The following RYR3 variants were observed in gnomAD, a reference collection of about 807,000 sequenced individuals.
RYR3 encodes the protein brain ryanodine receptor-calcium release channel.
Under a neutral mutation model 584.3 loss-of-function variants are expected in RYR3, and 207 were observed. That is an observed-to-expected ratio of 0.35 (90% CI 0.32 to 0.40). The LOEUF is 0.40. RYR3 is among the 10% of genes least tolerant of loss of function. The probability of loss-of-function intolerance (pLI) is 1.00; values close to 1 mark genes in which losing one functional copy is unlikely to be tolerated. For missense variants in RYR3, 5,616 were observed against 6,089.2 expected (o/e 0.92, Z 2.59); for synonymous variants, 2,416 against 2,248.5 (o/e 1.07, Z -2.11).
intron 93 of RYR3, among the ~76,000 whole-genome samples, chr15:33,847,771 A>C (rs190475882): frequency 1.7e-3 from 261 of 152,336 alleles, no homozygotes; most frequent in African/African-American, 6.1e-3. Flanking sequence ...AAAACTTCAT[A>C]CAGAAAGACT....
At chr15:33,634,021 C>T (rs1251798355) in intron 24 of RYR3, among the ~76,000 whole-genome samples, 1 of 152,136 alleles carries the variant, frequency 6.6e-6, no homozygotes, top group Admixed American at 6.6e-5. Flanking sequence ...ATTTTATTCA[C>T]AGACTGGTGT....
chr15:33,848,659 CCAGA>C (rs1567313830), intron 94 of RYR3, among the ~76,000 whole-genome samples: 2 of 152,060 alleles, frequency 1.3e-5, no homozygotes, highest in Non-Finnish European at 2.9e-5. Context: ...TTGATTTAGA[CCAGA>C]CAGTCCAGTA....
intron 102 of RYR3, 50 bp downstream of exon 102, chr15:33,861,228 G>C: frequency 7.4e-7 from 1 of 1,344,332 alleles, no homozygotes; most frequent in Non-Finnish European, 1.0e-6. Context: ...CGTAAATAAA[G>C]CCAATTAGGT....
Position 33,748,130 on chromosome 15 carries a change from G to A in RYR3, c.8006G>A (p.Arg2669His), listed in dbSNP as rs578112903. 34 of 1,613,620 alleles carry A rather than the reference G, an allele frequency of 2.1e-5. No individual in the cohort carries two copies. The highest frequency in any genetic ancestry group is 3.3e-5 in the South Asian group (3 of 91,072). ...TLTEKEKEIY[R>H]WPARESLKTM... Reference sequence around the variant, plus strand: ...CTCTTCTAGGAGAAGGAAATTTATCGCTGGCCTGCGCGAGAGTCCCTGAAA... The same window carrying A: ...CTCTTCTAGGAGAAGGAAATTTATCACTGGCCTGCGCGAGAGTCCCTGAAA... The change falls in exon 54 of 104, where the codon CGC becomes CAC. Residue 2669 changes from arginine to histidine, a missense_variant. Around this residue, in one of 9 missense-constraint regions of RYR3, gnomAD observed 1,280 missense variants for 1,426.2 expected, o/e 0.90. Transcript: ENST00000634891.
chr15:33,848,492 C>T (rs897578186), intron 94 of RYR3, 71 bp downstream of exon 94: 1 of 1,515,838 alleles, frequency 6.6e-7, no homozygotes. Flanking sequence ...CTCTTTCCTC[C>T]TGGCCTTAAA....
At chr15:33,557,266 A>C (rs1165634125) in intron 10 of RYR3, among the ~76,000 whole-genome samples, 3 of 152,266 alleles carry the variant, frequency 2.0e-5, no homozygotes, top group African/African-American at 7.2e-5. Context: ...TGTGTGATAC[A>C]TACCACTTTG....
intron 1 of RYR3, among the ~76,000 whole-genome samples, chr15:33,432,026 C>T (rs538764936): frequency 6.6e-6 from 1 of 152,166 alleles, no homozygotes; most frequent in East Asian, 1.9e-4. Context: ...ACTGGGTTAC[C>T]CTCACTCATT....
chr15:33,577,535 T>C (rs553266672), intron 12 of RYR3, among the ~76,000 whole-genome samples: 57 of 152,188 alleles, frequency 3.7e-4, no homozygotes, highest in Non-Finnish European at 6.5e-4. Flanking sequence ...CCCTATTTAA[T>C]AAATGATGCT....
rs760837521 is a variant in RYR3, at chr15:33,838,871, A to G, written c.12891A>G (p.Glu4297=). The G allele has an allele frequency of 6.2e-7, 1 of 1,613,862 alleles. No homozygotes were observed. The highest frequency in any genetic ancestry group is 2.2e-5 in the East Asian group (1 of 44,886). ...KKEGSLKHGP[E]VGLGDLSEII... Reference sequence around the variant, plus strand: ...AGGGCAGCTTAAAGCATGGGCCTGAAGTGGGTTTGGGTGACCTCTCAGAAA... The same window carrying G: ...AGGGCAGCTTAAAGCATGGGCCTGAGGTGGGTTTGGGTGACCTCTCAGAAA... The change falls in exon 89 of 104, where the codon GAA becomes GAG. Residue 4297 remains glutamate (E), a synonymous_variant. Transcript: ENST00000634891.
intron 1 of RYR3, among the ~76,000 whole-genome samples, chr15:33,375,755 C>A (rs2040677704): frequency 6.6e-6 from 1 of 152,134 alleles, no homozygotes; most frequent in African/African-American, 2.4e-5. Context: ...GTGTAACCAC[C>A]AATGAAATTA....
intron 36 of RYR3, among the ~76,000 whole-genome samples, chr15:33,666,997 A>C (rs563443889): frequency 1.6e-4 from 25 of 152,368 alleles, no homozygotes; most frequent in African/African-American, 5.8e-4. Context: ...ACAACAAATC[A>C]GCATATGTTG....
intron 40 of RYR3, among the ~76,000 whole-genome samples, chr15:33,699,417 T>G (rs537535441): frequency 6.6e-6 from 1 of 152,146 alleles, no homozygotes; most frequent in South Asian, 2.1e-4. Flanking sequence ...GTCTCTGAAT[T>G]CTGTCCACTC....
At position 33,737,944 on chromosome 15, in the gene RYR3, G is replaced by A. The variant is rs188289181; in HGVS notation, c.7516-506G>A. On this transcript the variant is annotated intron_variant, in intron 49 of 103. Transcript: ENST00000634891. Reference sequence around the variant, plus strand: ...ACTGGGGTGTGAGAGAGGGGAGAGGGAGCGGGCACGGGGAGTGGGGGCAAG... The same window carrying A: ...ACTGGGGTGTGAGAGAGGGGAGAGGAAGCGGGCACGGGGAGTGGGGGCAAG... Among the ~76,000 whole-genome samples the A allele has an allele frequency of 1.6e-4, 24 of 152,212 alleles. 1 individual carries two copies. The highest frequency in any genetic ancestry group is 1.4e-3 in the Admixed American group (21 of 15,278).
intron 1 of RYR3, among the ~76,000 whole-genome samples, chr15:33,404,967 C>A (rs1037424233): frequency 2.6e-5 from 4 of 152,160 alleles, no homozygotes; most frequent in East Asian, 1.9e-4. Flanking sequence ...GCTTTGCCAC[C>A]AACTAGCTGT....
chr15:33,425,921 C>CG (rs1567212213), intron 1 of RYR3, among the ~76,000 whole-genome samples: 8 of 152,274 alleles, frequency 5.3e-5, no homozygotes, highest in African/African-American at 1.9e-4. Context: ...GGATTACAGG[C>CG]ATGAGCCACC....
At chr15:33,645,602 A>G (rs1435327980) in intron 28 of RYR3, among the ~76,000 whole-genome samples, 1 of 152,170 alleles carries the variant, frequency 6.6e-6, no homozygotes, top group East Asian at 1.9e-4. Flanking sequence ...AATAGAATTG[A>G]AGTATTCTTA....
chr15:33,854,828 C>G lies in RYR3; in HGVS notation c.13923C>G (p.Phe4641Leu). The change falls in exon 98 of 104, where the codon TTC becomes TTG. Residue 4641 changes from phenylalanine (F) to leucine (L), a missense_variant. By Grantham distance (22) the Phe-to-Leu change is conservative. This residue lies in a region of RYR3 where 918 missense variants were observed against 887.4 expected (regional missense o/e 1.03). Coordinates refer to ENST00000634891, the MANE Select transcript of RYR3 (RefSeq NM_001036.6). ...MSVLGHYNNF[F>L]FAAHLLDIAM... Reference sequence around the variant, plus strand: ...TCCTGGGCCACTACAATAACTTCTTCTTTGCTGCTCACCTATTGGACATCG... The same window carrying G: ...TCCTGGGCCACTACAATAACTTCTTGTTTGCTGCTCACCTATTGGACATCG... 6.2e-7 allele frequency: 1 copy of G among 1,613,948 alleles called. No individual in the cohort carries two copies.
At chr15:33,422,745 C>T (rs1393801380) in intron 1 of RYR3, among the ~76,000 whole-genome samples, 1 of 152,142 alleles carries the variant, frequency 6.6e-6, no homozygotes, top group Non-Finnish European at 1.5e-5. Flanking sequence ...TGAACCTGGG[C>T]TTGGACAGGT....
chr15:33,455,697 C>T (rs1185409205), intron 1 of RYR3, among the ~76,000 whole-genome samples: 1 of 152,082 alleles, frequency 6.6e-6, no homozygotes, highest in Non-Finnish European at 1.5e-5. Flanking sequence ...CAAACGGGTA[C>T]AGCTTTGTCA....
Sources: allele counts gnomAD v4.1 joint callset (sites outside exome capture counted in the v4.1 genomes callset), GRCh38; gene constraint gnomAD v4.1.1; regional missense constraint gnomAD v4.1.1; transcripts MANE v1.5; gene names NCBI Gene and HGNC (gene_info 2026-07-23, HGNC 2026-07-21).